The following CADM1 variants were observed in gnomAD, a reference collection of about 807,000 sequenced individuals.
CADM1 encodes the protein cell adhesion molecule 1.
In CADM1, 15 loss-of-function variants were observed where a neutral mutation model predicts 53.1. The observed-to-expected ratio is 0.28, with a 90% CI of 0.19 to 0.44. The LOEUF (loss-of-function observed/expected upper bound fraction) is 0.44. Among genes scored for constraint, CADM1 ranks in the 20% least tolerant of loss-of-function variants. The probability of loss-of-function intolerance (pLI) is 1.00; values close to 1 mark genes in which losing one functional copy is unlikely to be tolerated. For missense variants in CADM1, 434 were observed against 611.3 expected, an observed-to-expected ratio of 0.71 and a Z score of 3.06; for synonymous variants, 281 against 243.0, an observed-to-expected ratio of 1.16 and a Z score of -1.45.
intron 1 of CADM1, among the ~76,000 whole-genome samples, chr11:115,447,253 T>C (rs185441448): frequency 3.7e-4 from 57 of 152,276 alleles, no homozygotes; most frequent in Middle Eastern, 3.4e-3. Flanking sequence ...CCTTAGAAAA[T>C]AGCAAATCTA....
chr11:115,179,410 G>A (rs1039379657), intron 10 of CADM1, among the ~76,000 whole-genome samples: 18 of 123,184 alleles, frequency 1.5e-4, no homozygotes, highest in African/African-American at 4.0e-4. Flanking sequence ...TGCCACCAAC[G>A]GTTTTTATTT....
In CADM1 at chr11:115,226,694, G is replaced by C. The variant is rs540608222; in HGVS notation, c.721+2419C>G. Among the ~76,000 whole-genome samples the C allele has an allele frequency of 2.0e-4, 31 of 152,306 alleles. 1 individual carries two copies. The highest frequency in any genetic ancestry group is 7.2e-4 in the African/African-American group (30 of 41,572). On this transcript the variant is annotated intron_variant, in intron 5 of 11. Transcript: ENST00000331581. The stretch of plus-strand genomic sequence containing the variant: ...CGGCTGTGGGGGGCACTGGAGTTGA[G>C]CCATCAACAGCACTGGGCAATGACT...
chr11:115,233,944 T>C (rs1227236926), intron 3 of CADM1, among the ~76,000 whole-genome samples: 4 of 152,188 alleles, frequency 2.6e-5, no homozygotes, highest in African/African-American at 9.7e-5. Flanking sequence ...AGATCCCACT[T>C]TATCTGTATA....
intron 10 of CADM1, among the ~76,000 whole-genome samples, chr11:115,185,530 T>G (rs992334438): frequency 1.3e-5 from 2 of 152,206 alleles, no homozygotes; most frequent in African/African-American, 4.8e-5. Context: ...ACAAGTGTTT[T>G]GGGTTTTTTC....
At chr11:115,443,726 A>C (rs906483486) in intron 1 of CADM1, among the ~76,000 whole-genome samples, 2 of 152,208 alleles carry the variant, frequency 1.3e-5, no homozygotes, top group Non-Finnish European at 2.9e-5. Flanking sequence ...TTGCATACCC[A>C]GTATGTGCCA....
At position 115,240,147 on chromosome 11, in the gene CADM1, C is replaced by T. The variant is rs1942173586; in HGVS notation, c.271+127G>A. 10 of 846,214 alleles carry T rather than the reference C, an allele frequency of 1.2e-5. No individual in the cohort carries two copies. In the South Asian group the frequency reaches 1.5e-4, roughly 12 times the overall value. 52.4% of individuals were successfully genotyped at this position (846,214 alleles called of 1,614,324 possible). A position where few individuals can be genotyped will look rare whatever the true frequency, so the allele number is the denominator to read the frequency against. On this transcript the variant is annotated intron_variant, in intron 2 of 11. Transcript: ENST00000331581. ...TATGATTGCCTGTCTCTTCTTCCCT[C>T]TAAAGAACTGACTAAACTTTAAGCA...
At chr11:115,358,364 C>T (rs968384625) in intron 1 of CADM1, among the ~76,000 whole-genome samples, 16 of 152,170 alleles carry the variant, frequency 1.1e-4, no homozygotes, top group Non-Finnish European at 2.9e-5. Flanking sequence ...GGAGGCCTTA[C>T]AATCATGGCG....
intron 1 of CADM1, among the ~76,000 whole-genome samples, chr11:115,373,422 CA>C (rs1237659055): frequency 1.3e-5 from 2 of 150,872 alleles, no homozygotes; most frequent in African/African-American, 4.9e-5. Context: ...CCATCTCTTC[CA>C]AAAATAAAAA....
chr11:115,412,484 C>CCACT (rs1419557726), intron 1 of CADM1, among the ~76,000 whole-genome samples: 1 of 152,186 alleles, frequency 6.6e-6, no homozygotes, highest in Non-Finnish European at 1.5e-5. Context: ...CAGGCGTGAG[C>CCACT]CACTGTGCAC....
chr11:115,349,274 A>G (rs1945662841), intron 1 of CADM1, among the ~76,000 whole-genome samples: 1 of 152,134 alleles, frequency 6.6e-6, no homozygotes, highest in Admixed American at 6.6e-5. Context: ...TAAAATATAA[A>G]CCTATTAGTT....
At chr11:115,429,087 T>C (rs1017053724) in intron 1 of CADM1, among the ~76,000 whole-genome samples, 2 of 152,190 alleles carry the variant, frequency 1.3e-5, no homozygotes, top group Non-Finnish European at 2.9e-5. Flanking sequence ...CCATTTACTC[T>C]ATTAACATAC....
intron 1 of CADM1, among the ~76,000 whole-genome samples, chr11:115,283,391 T>C (rs1943638941): frequency 6.6e-6 from 1 of 152,098 alleles, no homozygotes; most frequent in Non-Finnish European, 1.5e-5. Context: ...TCACTGCCCC[T>C]AAGCAAACAA....
At chr11:115,293,701 A>T (rs188669359) in intron 1 of CADM1, among the ~76,000 whole-genome samples, 79 of 152,314 alleles carry the variant, frequency 5.2e-4, no homozygotes, top group African/African-American at 1.8e-3. Flanking sequence ...TTGCTTAATA[A>T]TATTTATTAT....
rs1262808522 is a variant in CADM1 at position 115,338,222 on chromosome 11, T to C, written c.125-97802A>G. ...TTCTAAGTACTTCGCATATGTTAACTCATTTAATATTCACAAAAACCCTAA... is the reference window on the plus strand; with the variant it reads ...TTCTAAGTACTTCGCATATGTTAACCCATTTAATATTCACAAAAACCCTAA... On this transcript the variant is annotated intron_variant, in intron 1 of 11. Coordinates refer to ENST00000331581, the MANE Select transcript of CADM1 (RefSeq NM_001301043.2). Among the ~76,000 whole-genome samples, 7 of 152,204 alleles carry C rather than the reference T, an allele frequency of 4.6e-5. No homozygotes were observed. In the East Asian group the frequency reaches 1.3e-3, roughly 29 times the overall value.
chr11:115,354,682 G>T (rs1053474295), intron 1 of CADM1, among the ~76,000 whole-genome samples: 2 of 152,166 alleles, frequency 1.3e-5, no homozygotes, highest in African/African-American at 4.8e-5. Context: ...GAGGTCATGG[G>T]AAAGAGCCAA....
intron 5 of CADM1, among the ~76,000 whole-genome samples, chr11:115,223,160 C>G (rs1000323207): frequency 6.6e-6 from 1 of 152,130 alleles, no homozygotes; most frequent in African/African-American, 2.4e-5. Flanking sequence ...AAAATCAGAT[C>G]ACGAGTTCCC....
intron 1 of CADM1, among the ~76,000 whole-genome samples, chr11:115,306,394 T>C (rs1307288197): frequency 6.6e-6 from 1 of 151,938 alleles, no homozygotes; most frequent in Non-Finnish European, 1.5e-5. Context: ...AATGACAAAA[T>C]TGCCTAACAA....
chr11:115,444,466 T>C (rs193129745), intron 1 of CADM1, among the ~76,000 whole-genome samples: 86 of 152,350 alleles, frequency 5.6e-4, no homozygotes, highest in African/African-American at 1.9e-3. Flanking sequence ...CTTGTGTTTT[T>C]TCATTTATCC....
In CADM1 at chr11:115,376,827, G is replaced by C. The variant is rs73572988; in HGVS notation, c.124+127444C>G. Among the ~76,000 whole-genome samples, 3 of 152,268 alleles carry C rather than the reference G, an allele frequency of 2.0e-5. No homozygotes were observed. The South Asian group carries it at 6.2e-4, about 32-fold the overall frequency. ...GGGATTCTGTCAAGTAATTCCACAG[G>C]ACACTGGTGGTCTTGGTGTCTCTCT... On this transcript the variant is annotated intron_variant, in intron 1 of 11. Transcript: ENST00000331581.
Sources: gnomAD v4.1 joint callset for allele counts (sites outside exome capture counted in the v4.1 genomes callset) on GRCh38, gnomAD v4.1.1 for gene constraint, MANE v1.5 for transcripts, NCBI Gene and HGNC (gene_info 2026-07-23, HGNC 2026-07-21) for gene names.